Variants in VCP observed in about 807,000 individuals in gnomAD.
The protein encoded by VCP is transitional endoplasmic reticulum ATPase.
VCP carries 6 observed loss-of-function variants against 85.7 expected under a neutral mutation model. The ratio of observed to expected loss-of-function variants is 0.07; its 90% CI spans 0.04 to 0.14. The LOEUF (loss-of-function observed/expected upper bound fraction) is 0.14. VCP is among the 10% of genes least tolerant of loss of function. The pLI, the probability that VCP is intolerant of heterozygous loss-of-function variation, is 1.00. For synonymous variants in VCP, 384 were observed against 367.1 expected (o/e 1.05, Z -0.53); for missense variants, 353 against 1,043.4 (o/e 0.34, Z 9.12).
Position 35,057,192 on chromosome 9 carries a change from G to A in VCP, c.2346C>T (p.Gly782=). The change falls in exon 17 of 17, where the codon GGC becomes GGT. Residue 782 remains glycine, a synonymous_variant. Transcript: ENST00000358901. ...TGCCGCCTCCACTGCCCTGACTGGGGCCAGCTCCACCCTGGTTCCCTGAAG... is the reference window on the plus strand; with the variant it reads ...TGCCGCCTCCACTGCCCTGACTGGGACCAGCTCCACCCTGGTTCCCTGAAG... The part of the protein sequence containing the change: ...RFPSGNQGGA[G]PSQGSGGGTG... 6.2e-7 allele frequency: 1 copy of A among 1,614,204 alleles called. No homozygotes were observed. The highest frequency in any genetic ancestry group is 8.5e-7 in the Non-Finnish European group (1 of 1,180,042).
Position 35,072,371 on chromosome 9 carries a change from G to A in VCP, c.-18C>T, listed in dbSNP as rs1438838364. On this transcript the variant is annotated 5_prime_UTR_variant, in exon 1 of 17. Coordinates refer to ENST00000358901, the MANE Select transcript of VCP (RefSeq NM_007126.5). ...GAAGCCATGGCGCGCGCCTCTCCCG[G>A]CCGGCGGCTGTGGCGGCCCGCGGGT... is the stretch of plus-strand genomic sequence containing the variant. 1.3e-5 allele frequency: 19 copies of A among 1,475,562 alleles called. No individual in the cohort carries two copies. Among genetic ancestry groups the A allele is most frequent in the East Asian group, 5.8e-5 (2 of 34,642 alleles). The allele number at this position is 1,475,562 out of a possible 1,614,324, so 91.4% of individuals were successfully genotyped here.
At chr9:35,065,837 T>C (rs1176310131) in intron 4 of VCP, among the ~76,000 whole-genome samples, 2 of 152,184 alleles carry the variant, frequency 1.3e-5, no homozygotes, top group Non-Finnish European at 2.9e-5. Flanking sequence ...TATGAATATG[T>C]GTGCAGGGTT....
intron 6 of VCP, 141 bp downstream of exon 6, chr9:35,064,012 TA>T: frequency 7.2e-7 from 1 of 1,388,824 alleles, no homozygotes; most frequent in Non-Finnish European, 1.0e-6. Context: ...GAGCCTTAGG[TA>T]AACTAAAGGA....
rs1587124494 is a variant in VCP, at chr9:35,062,994, G to A, written c.795C>T (p.Phe265=). 3.7e-6 allele frequency: 6 copies of A among 1,614,044 alleles called. No individual in the cohort carries two copies. Among genetic ancestry groups the A allele is most frequent in the Non-Finnish European group, 5.1e-6 (6 of 1,180,006 alleles). Residue 265 remains phenylalanine (F), a synonymous_variant, in exon 7 of 17, where the codon TTC becomes TTT. Transcript: ENST00000358901. ...ATATCTCACCATTGATCAAGAAGAAGAAGGCTCCAGTCTCATTTGCTACAG... is the reference window on the plus strand; with the variant it reads ...ATATCTCACCATTGATCAAGAAGAAAAAGGCTCCAGTCTCATTTGCTACAG... ...ARAVANETGA[F]FFLINGPEIM... is the part of the protein sequence containing the mutation.
Position 35,058,410 on chromosome 9 carries a change from T to C in VCP, c.2160+654A>G, listed in dbSNP as rs139578612. Among the ~76,000 whole-genome samples, 922 of 152,300 alleles carry C rather than the reference T, an allele frequency of 6.1e-3. 8 individuals carry two copies. The highest frequency in any genetic ancestry group is 8.1e-3 in the Non-Finnish European group (549 of 68,020). On this transcript the variant is annotated intron_variant, in intron 15 of 16. Transcript: ENST00000358901. ...AAACACATGAATTTGCCTTTTCATT[T>C]TGGGAGGTCTGTGGACCCTATCCCT...
chr9:35,064,148 G>A lies in VCP; in HGVS notation c.708+6C>T. The stretch of plus-strand genomic sequence containing the variant: ...TAGACTTGATTCCAGAGCCCAGGAT[G>A]CTCACCTTCACACCAATTGCCTTAA... On this transcript the variant is annotated splice_donor_region_variant and intron_variant, in intron 6 of 16. Transcript: ENST00000358901. The A allele has an allele frequency of 6.2e-7, 1 of 1,614,126 alleles. No individual in the cohort carries two copies. Among genetic ancestry groups the A allele is most frequent in the Non-Finnish European group, 8.5e-7 (1 of 1,180,014 alleles).
In VCP at chr9:35,059,328, C is replaced by T. The variant is rs1828675040; in HGVS notation, c.2005-109G>A. On this transcript the variant is annotated intron_variant, in intron 14 of 16. Transcript: ENST00000358901. The surrounding 1 kb of genome is among the most constrained non-coding windows in gnomAD (Gnocchi z 4.9). ...CTACAGTTTGCCCCTTCTTTGGCCACCCCATTTTATTCCTGATTCTAGATT... is the reference window on the plus strand; with the variant it reads ...CTACAGTTTGCCCCTTCTTTGGCCATCCCATTTTATTCCTGATTCTAGATT... The T allele has an allele frequency of 6.4e-7, 1 of 1,552,208 alleles. No individual in the cohort carries two copies. Among genetic ancestry groups the T allele is most frequent in the African/African-American group, 1.4e-5 (1 of 73,482 alleles).
intron 1 of VCP, among the ~76,000 whole-genome samples, chr9:35,068,661 G>A (rs1828881722): frequency 6.6e-6 from 1 of 152,182 alleles, no homozygotes; most frequent in Non-Finnish European, 1.5e-5. Flanking sequence ...TAGAAATGGA[G>A]GCTGAATAGT....
chr9:35,065,406 CAGT>C, intron 4 of VCP, 25 bp from the exon 5 acceptor site: 1 of 1,613,954 alleles, frequency 6.2e-7, no homozygotes, highest in Non-Finnish European at 8.5e-7. Flanking sequence ...AGTACAAGCA[CAGT>C]TAGAGGTGTC....
intron 4 of VCP, among the ~76,000 whole-genome samples, chr9:35,065,655 C>A (rs534094581): frequency 1.5e-4 from 23 of 152,240 alleles, no homozygotes; most frequent in East Asian, 5.8e-4. Context: ...ATATAGGTAG[C>A]CCAAGTTTTC....
At chr9:35,057,329 G>A (rs1466943300) in intron 16 of VCP, 47 bp downstream of exon 16, 2 of 1,613,276 alleles carry the variant, frequency 1.2e-6, no homozygotes, top group South Asian at 1.1e-5. Context: ...TTTGGTGTAG[G>A]TCCCCAAAGT....
Position 35,059,798 on chromosome 9 carries a change from G to C in VCP, c.1699C>G (p.Arg567Gly). The C allele has an allele frequency of 6.2e-7, 1 of 1,614,086 alleles. No individual in the cohort carries two copies. Among genetic ancestry groups the C allele is most frequent in the Non-Finnish European group, 8.5e-7 (1 of 1,180,032 alleles). ...AATAGCACACAGGGGGCAGCTTGGC[G>C]GGCCTGTAGGAGGAATGGATTGATT... is the stretch of plus-strand genomic sequence containing the variant. ...ANVREIFDKA[R>G]QAAPCVLFFD... Residue 567 changes from arginine to glycine, a missense_variant, in exon 14 of 17, where the codon CGC becomes GGC. Transcript: ENST00000358901. This position sits in a 1 kb window ranked among gnomAD's most constrained non-coding sequence, Gnocchi z 4.9.
intron 1 of VCP, chr9:35,071,880 T>C (rs1038854403): frequency 1.0e-6 from 1 of 998,512 alleles, no homozygotes; most frequent in Non-Finnish European, 1.2e-6. Flanking sequence ...TGGCGCAAAG[T>C]CCACGCCCAC....
chr9:35,058,977 A>G, intron 15 of VCP, 87 bp downstream of exon 15: 1 of 1,573,074 alleles, frequency 6.4e-7, no homozygotes, highest in Non-Finnish European at 8.7e-7. Context: ...TCTTTCCAAC[A>G]GCTTCTACTC....
At chr9:35,061,534 T>C in intron 10 of VCP, 43 bp downstream of exon 10, 1 of 1,576,758 alleles carries the variant, frequency 6.3e-7, no homozygotes, top group Non-Finnish European at 8.7e-7. Context: ...AGCAACTGCC[T>C]AGAGACACTG....
chr9:35,072,001 C>A, intron 1 of VCP: 3 of 1,128,024 alleles, frequency 2.7e-6, no homozygotes, highest in Non-Finnish European at 3.3e-6. Context: ...CCCGGGGCGC[C>A]GCGCCGGCGG....
rs760853796 is a variant in VCP, at chr9:35,059,679, T to C, written c.1818A>G (p.Thr606=). The C allele has an allele frequency of 5.6e-6, 9 of 1,614,152 alleles. No individual in the cohort carries two copies. Among genetic ancestry groups the C allele is most frequent in the South Asian group, 1.1e-5 (1 of 91,080 alleles). The part of the protein sequence containing the change: ...AADRVINQIL[T]EMDGMSTKKN... ...TTTTTGTGGACATGCCATCCATTTC[T>C]GTCAGGATCTGGTTGATGACTCGGT... The change falls in exon 14 of 17, where the codon ACA becomes ACG. Residue 606 remains threonine, a synonymous_variant. Transcript: ENST00000358901. The surrounding 1 kb of genome is among the most constrained non-coding windows in gnomAD (Gnocchi z 4.9).
chr9:35,071,175 A>C (rs1563982548), intron 1 of VCP, among the ~76,000 whole-genome samples: 1 of 152,204 alleles, frequency 6.6e-6, no homozygotes, highest in African/African-American at 2.4e-5. Flanking sequence ...CTTTTAAATA[A>C]GCAACTGAGT....
chr9:35,065,748 AAGAT>A (rs545728409), intron 4 of VCP, among the ~76,000 whole-genome samples: 73 of 152,328 alleles, frequency 4.8e-4, no homozygotes, highest in African/African-American at 1.7e-3. Flanking sequence ...GAGATCCATA[AAGAT>A]AGCTTACTCT....
Sources: allele counts gnomAD v4.1 joint callset (sites outside exome capture counted in the v4.1 genomes callset), GRCh38; gene constraint gnomAD v4.1.1; non-coding constraint Gnocchi (gnomAD v3.1); transcripts MANE v1.5; gene names NCBI Gene and HGNC (gene_info 2026-07-23, HGNC 2026-07-21).